The following MMS19 variants were observed in gnomAD, a reference collection of about 807,000 sequenced individuals.
MMS19 encodes the protein MMS19 nucleotide excision repair protein homolog.
In MMS19, 77 loss-of-function variants were observed where a neutral mutation model predicts 129.8. That is an observed-to-expected ratio of 0.59 (90% CI 0.49 to 0.72). The LOEUF (loss-of-function observed/expected upper bound fraction) is 0.72. MMS19 is among the 30% of genes least tolerant of loss of function. MMS19 has a pLI of 0.00. For missense variants in MMS19, 1,168 were observed against 1,266.3 expected (o/e 0.92, Z 1.18); for synonymous variants, 491 against 502.8 (o/e 0.98, Z 0.31).
At chr10:97,468,753 C>T (rs1168985657) in intron 12 of MMS19, among the ~76,000 whole-genome samples, 4 of 152,138 alleles carry the variant, frequency 2.6e-5, no homozygotes, top group Admixed American at 6.5e-5. Context: ...GGATTACAGG[C>T]GTCCACCACC....
upstream of MMS19, chr10:97,498,460 C>A (rs1277881531): frequency 1.3e-6 from 2 of 1,531,014 alleles, no homozygotes; most frequent in East Asian, 2.5e-5. Context: ...GCCTCCCGAG[C>A]CAATCTCCGG....
intron 1 of MMS19, among the ~76,000 whole-genome samples, chr10:97,492,860 C>CA (rs67491435): frequency 1.9e-4 from 20 of 106,076 alleles, no homozygotes; most frequent in South Asian, 6.2e-4. Context: ...CTTCATCTCC[C>CA]AAAAAAAAAA....
At chr10:97,460,861 A>C in intron 24 of MMS19, 46 bp downstream of exon 24, 2 of 1,535,854 alleles carry the variant, frequency 1.3e-6, no homozygotes, top group Non-Finnish European at 1.8e-6. Flanking sequence ...ATTTAACCAG[A>C]CATAATTGCC....
chr10:97,468,192 T>C (rs2133395287), intron 13 of MMS19, 60 bp downstream of exon 13: 2 of 1,458,360 alleles, frequency 1.4e-6, no homozygotes, highest in East Asian at 2.5e-5. Flanking sequence ...GCTCACTCTC[T>C]GAGAAAGGGA....
In MMS19 at chr10:97,486,798, C is replaced by A. The variant is rs1344463327; in HGVS notation, c.113-2647G>T. On this transcript the variant is annotated intron_variant, in intron 1 of 30. Transcript: ENST00000438925. Reference sequence around the variant, plus strand: ...AATCAATCTGTAATTTTAAGATAATCGCCATAAAAACACTAACAGAATACT... The same window carrying A: ...AATCAATCTGTAATTTTAAGATAATAGCCATAAAAACACTAACAGAATACT... Among the ~76,000 whole-genome samples the A allele has an allele frequency of 2.8e-5, 4 of 142,538 alleles. No homozygotes were observed. The East Asian group carries it at 8.1e-4, about 29-fold the overall frequency. 93.5% of individuals were successfully genotyped at this position (142,538 alleles called of 152,430 possible).
In MMS19 at chr10:97,469,011, C is replaced by A. The variant is rs746343414; in HGVS notation, c.1018G>T (p.Asp340Tyr). 6.3e-7 allele frequency: 1 copy of A among 1,587,688 alleles called. No individual in the cohort carries two copies. Among genetic ancestry groups the A allele is most frequent in the Non-Finnish European group, 8.6e-7 (1 of 1,166,778 alleles). The stretch of plus-strand genomic sequence containing the variant: ...AAGGAGTCAAGGAGGTCCTCAGCAT[C>A]AGCCCTCAGCACAGAGCGAGACAAA... ...ACLSRSVLRA[D>Y]AEDLLDSFLS... is the part of the protein sequence containing the mutation. The change falls in exon 12 of 31, where the codon GAT becomes TAT. Residue 340 changes from aspartate to tyrosine, a missense_variant. By Grantham distance (160) the Asp-to-Tyr change is radical. Around this residue, in one of 3 missense-constraint regions of MMS19, gnomAD observed 831 missense variants for 910.8 expected, o/e 0.91. Coordinates refer to ENST00000438925, the MANE Select transcript of MMS19 (RefSeq NM_022362.5).
At position 97,462,111 on chromosome 10, in the gene MMS19, G is replaced by T; in HGVS notation, c.2021C>A (p.Ala674Asp). ...ATTHLSPELA[A>D]QSVTHIVPLF... Reference sequence around the variant, plus strand: ...GGGCACAATGTGTGTCACACTCTGGGCAGCTAACCTGGGGGCAGAGTACTA... The same window carrying T: ...GGGCACAATGTGTGTCACACTCTGGTCAGCTAACCTGGGGGCAGAGTACTA... Residue 674 changes from alanine (A) to aspartate (D), a missense_variant, in exon 21 of 31, where the codon GCC (alanine) becomes GAC (aspartate). This residue lies in a region of MMS19 where 831 missense variants were observed against 910.8 expected (regional missense o/e 0.91). Transcript: ENST00000438925. The T allele has an allele frequency of 1.3e-6, 2 of 1,576,202 alleles. No homozygotes were observed.
chr10:97,464,424 G>A (rs1010807516), intron 18 of MMS19, among the ~76,000 whole-genome samples: 1 of 152,176 alleles, frequency 6.6e-6, no homozygotes, highest in Non-Finnish European at 1.5e-5. Context: ...AACAGCTGCT[G>A]GATCAACCAC....
intron 1 of MMS19, among the ~76,000 whole-genome samples, chr10:97,496,647 C>T (rs1212810260): frequency 2.0e-5 from 3 of 151,918 alleles, no homozygotes; most frequent in Admixed American, 6.6e-5. Context: ...GTTTTCGTAT[C>T]GCATAAATGT....
chr10:97,486,427 C>T (rs1327374338), intron 1 of MMS19, among the ~76,000 whole-genome samples: 1 of 152,176 alleles, frequency 6.6e-6, no homozygotes, highest in Non-Finnish European at 1.5e-5. Context: ...GTGATCCGCC[C>T]ACTTCAACCT....
intron 1 of MMS19, among the ~76,000 whole-genome samples, chr10:97,495,848 C>A (rs2039684288): frequency 6.6e-6 from 1 of 152,242 alleles, no homozygotes; most frequent in Admixed American, 6.5e-5. Context: ...GGGGCGCGAT[C>A]TCCGCTCACG....
At chr10:97,487,777 T>A (rs1046195736) in intron 1 of MMS19, among the ~76,000 whole-genome samples, 1 of 152,114 alleles carries the variant, frequency 6.6e-6, no homozygotes, top group Non-Finnish European at 1.5e-5. Flanking sequence ...TCCCGATATA[T>A]AAAGAGTTCC....
At position 97,481,035 on chromosome 10, in the gene MMS19, G is replaced by A; in HGVS notation, c.169C>T (p.Leu57=). The stretch of plus-strand genomic sequence containing the variant: ...CGAGTTCGGGGTTCTGGATTCTCTA[G>A]AGAGGACCTAGGGGAAAACAGGATA... ...LQVVEALGSS[L]ENPEPRTRAR... Residue 57 remains leucine, a synonymous_variant, in exon 3 of 31, where the codon CTA becomes TTA. Coordinates refer to ENST00000438925, the MANE Select transcript of MMS19 (RefSeq NM_022362.5). 1 of 1,593,092 alleles carries A rather than the reference G, an allele frequency of 6.3e-7. No individual in the cohort carries two copies. Among genetic ancestry groups the A allele is most frequent in the Non-Finnish European group, 8.6e-7 (1 of 1,164,364 alleles).
At chr10:97,477,014 T>C in intron 6 of MMS19, 51 bp from the exon 7 acceptor site, 1 of 1,609,884 alleles carries the variant, frequency 6.2e-7, no homozygotes, top group Non-Finnish European at 8.5e-7. Flanking sequence ...ACAGAAAGTG[T>C]GGGCTTTCTC....
rs1368278002 is a variant in MMS19, at chr10:97,476,770, T to C, written c.623-26A>G. On this transcript the variant is annotated intron_variant, in intron 7 of 30. Transcript: ENST00000438925. Reference sequence around the variant, plus strand: ...CTGTGGCAACAGAGAAAAAATGAGGTTGGTTTATCAGCTTCACTCATCTGA... The same window carrying C: ...CTGTGGCAACAGAGAAAAAATGAGGCTGGTTTATCAGCTTCACTCATCTGA... 2.5e-6 allele frequency: 4 copies of C among 1,613,638 alleles called. No individual in the cohort carries two copies. In the African/African-American group the frequency reaches 4.0e-5, roughly 16 times the overall value.
At chr10:97,487,336 T>TTTTG (rs10682395) in intron 1 of MMS19, among the ~76,000 whole-genome samples, 1 of 142,884 alleles carries the variant, frequency 7.0e-6, no homozygotes. Flanking sequence ...TTTTTTTTTT[T>TTTTG]GAGACAGAAT....
At chr10:97,483,171 G>A (rs1373545789) in intron 2 of MMS19, among the ~76,000 whole-genome samples, 1 of 152,134 alleles carries the variant, frequency 6.6e-6, no homozygotes, top group African/African-American at 2.4e-5. Flanking sequence ...TCCCACCTCA[G>A]CCTTCCGGGT....
intron 13 of MMS19, 99 bp from the exon 14 acceptor site, chr10:97,467,682 A>G: frequency 8.5e-7 from 1 of 1,173,742 alleles, no homozygotes; most frequent in Non-Finnish European, 1.2e-6. Context: ...CTTCCAAGAG[A>G]TGGGGGTTTT....
upstream of MMS19, chr10:97,498,486 C>CG (rs1564727934): frequency 2.0e-6 from 3 of 1,488,226 alleles, no homozygotes; most frequent in Admixed American, 4.4e-5. Context: ...CGCAAGGGGG[C>CG]GGGGCGCCGG....
Sources: allele counts gnomAD v4.1 joint callset (sites outside exome capture counted in the v4.1 genomes callset), GRCh38; gene constraint gnomAD v4.1.1; regional missense constraint gnomAD v4.1.1; transcripts MANE v1.5; gene names NCBI Gene and HGNC (gene_info 2026-07-23, HGNC 2026-07-21).